Variants in ELFN1 observed in about 807,000 individuals in gnomAD.
ELFN1 encodes the protein extracellular leucine rich repeat and fibronectin type III domain containing 1.
In ELFN1, 6 loss-of-function variants were observed where a neutral mutation model predicts 7.6. The ratio of observed to expected loss-of-function variants is 0.79; its 90% confidence interval spans 0.43 to 1.56. ELFN1 has a LOEUF of 1.56. Among genes scored for constraint, ELFN1 ranks in the 40% most tolerant of loss-of-function variants. The pLI, the probability that ELFN1 is intolerant of heterozygous loss-of-function variation, is 0.01. For synonymous variants in ELFN1, 657 were observed against 588.1 expected, an observed-to-expected ratio of 1.12 and a Z score of -1.70; for missense variants, 1,169 against 1,232.2, an observed-to-expected ratio of 0.95 and a Z score of 0.77.
intron 3 of ELFN1, among the ~76,000 whole-genome samples, chr7:1,727,957 T>C (rs1381551927): frequency 6.6e-6 from 1 of 152,128 alleles, no homozygotes; most frequent in African/African-American, 2.4e-5. Context: ...GCCCAGGGAA[T>C]GGGCCTTCTC....
intron 3 of ELFN1, among the ~76,000 whole-genome samples, chr7:1,724,593 A>C (rs1780128316): frequency 6.6e-6 from 1 of 152,190 alleles, no homozygotes; most frequent in African/African-American, 2.4e-5. Context: ...AGGTGAGGAC[A>C]GAGCTTGTGA....
At chr7:1,699,073 A>G (rs1289439230) in intron 2 of ELFN1, among the ~76,000 whole-genome samples, 1 of 152,308 alleles carries the variant, frequency 6.6e-6, no homozygotes, top group African/African-American at 2.4e-5. Flanking sequence ...GCTTCTGCAC[A>G]TTGCACCTGC....
In ELFN1 at chr7:1,718,095, G is replaced by A. The variant is rs373251211; in HGVS notation, c.-294+8843G>A. ...AGTTTCCATGTCTGGAACCAAAGTG[G>A]CTGCTCCCGCTCCCACCATCACATC... On this transcript the variant is annotated intron_variant, in intron 3 of 3. Transcript: ENST00000424383. Among the ~76,000 whole-genome samples, 5 of 152,204 alleles carry A rather than the reference G, an allele frequency of 3.3e-5. No homozygotes were observed. In the South Asian group the frequency reaches 6.2e-4, roughly 19 times the overall value.
intron 2 of ELFN1, among the ~76,000 whole-genome samples, chr7:1,700,636 G>T (rs574745985): frequency 6.6e-6 from 1 of 152,274 alleles, no homozygotes; most frequent in Admixed American, 6.5e-5. Flanking sequence ...TGCTTCACAC[G>T]TGTGGGACCC....
In ELFN1 at chr7:1,746,759, A is replaced by T; in HGVS notation, c.2163A>T (p.Pro721=). ...HPAEPPAPPG[P]PPPPPHEGLG... is the part of the protein sequence containing the mutation. ...CCGAGCCACCTGCGCCCCCCGGGCCACCGCCGCCGCCTCCGCACGAGGGCC... is the reference window on the plus strand; with the variant it reads ...CCGAGCCACCTGCGCCCCCCGGGCCTCCGCCGCCGCCTCCGCACGAGGGCC... Residue 721 remains proline (P), a synonymous_variant, in exon 4 of 4, where the codon CCA becomes CCT. Transcript: ENST00000424383. The T allele has an allele frequency of 6.7e-7, 1 of 1,502,714 alleles. No homozygotes were observed. The highest frequency in any genetic ancestry group is 2.7e-5 in the East Asian group (1 of 37,576). The allele number at this position is 1,502,714 out of a possible 1,614,324, so 93.1% of individuals were successfully genotyped here.
intron 2 of ELFN1, among the ~76,000 whole-genome samples, chr7:1,701,138 T>C (rs1779420655): frequency 6.6e-6 from 1 of 150,386 alleles, no homozygotes; most frequent in Admixed American, 6.6e-5. Flanking sequence ...TGTGTGCATG[T>C]GTGTGTGTGG....
At position 1,673,752 on chromosome 7, in the gene ELFN1, T is replaced by C. The variant is rs1228378537; in HGVS notation, c.-549+3398T>C. Among the ~76,000 whole-genome samples, 1 of 152,124 alleles carries C rather than the reference T, an allele frequency of 6.6e-6. No individual in the cohort carries two copies. The highest frequency in any genetic ancestry group is 1.5e-5 in the Non-Finnish European group (1 of 68,018). ...AAATGTGCCTCCTTTCCCTCGGAGA[T>C]CAGCCGGTCCAGCCCCTGAAGATGG... On this transcript the variant is annotated intron_variant, in intron 1 of 3. Transcript: ENST00000424383. This position sits in a 1 kb window ranked among gnomAD's most constrained non-coding sequence, Gnocchi z 4.7.
At chr7:1,733,942 C>T (rs1583389959) in intron 3 of ELFN1, among the ~76,000 whole-genome samples, 1 of 152,238 alleles carries the variant, frequency 6.6e-6, no homozygotes, top group African/African-American at 2.4e-5. Flanking sequence ...CTGTGACCCC[C>T]GGTCAGAACA....
chr7:1,728,063 G>T (rs1157743472), intron 3 of ELFN1, among the ~76,000 whole-genome samples: 1 of 152,190 alleles, frequency 6.6e-6, no homozygotes, highest in African/African-American at 2.4e-5. Context: ...CCATTGAGAG[G>T]CAGGGCCGGA....
At chr7:1,719,298 GCCCCGCCCACCAACAGGA>G (rs1779940720) in intron 3 of ELFN1, among the ~76,000 whole-genome samples, 3 of 85,966 alleles carry the variant, frequency 3.5e-5, no homozygotes, top group African/African-American at 8.6e-5. Context: ...CACCAACAGG[GCCCCGCCCACCAACAGGA>G]CCCAAGCCAC....
At chr7:1,690,276 T>A (rs920276168) in intron 2 of ELFN1, among the ~76,000 whole-genome samples, 3 of 150,254 alleles carry the variant, frequency 2.0e-5, no homozygotes, top group African/African-American at 7.4e-5. Flanking sequence ...GGTGAGTGGG[T>A]AGGTGGATAG....
chr7:1,680,705 A>G (rs900849921), intron 1 of ELFN1, among the ~76,000 whole-genome samples: 1 of 147,968 alleles, frequency 6.8e-6, no homozygotes, highest in African/African-American at 2.5e-5. Context: ...ACCCCCAGGC[A>G]CTGATCTGCA....
intron 3 of ELFN1, among the ~76,000 whole-genome samples, chr7:1,741,569 G>A (rs940132212): frequency 2.0e-5 from 3 of 152,196 alleles, no homozygotes; most frequent in African/African-American, 7.2e-5. Context: ...ACTCACAATG[G>A]GGGGAGTGGG....
Position 1,745,618 on chromosome 7 carries a change from G to T in ELFN1, c.1022G>T (p.Arg341Leu). The change falls in exon 4 of 4, where the codon CGG becomes CTG. Residue 341 changes from arginine (R) to leucine (L), a missense_variant. By Grantham distance (102) the Arg-to-Leu change is moderately radical (BLOSUM62 -2). This residue lies in a region of ELFN1 where 914 missense variants were observed against 872.6 expected (regional missense o/e 1.05). Transcript: ENST00000424383. ...ITVQLPSPFH[R>L]MYTLEHFNNS... is the part of the protein sequence containing the mutation. The stretch of plus-strand genomic sequence containing the variant: ...GTCCAGCTGCCCAGCCCGTTCCACC[G>T]GATGTACACCCTGGAGCATTTCAAC... 1 of 1,550,960 alleles carries T rather than the reference G, an allele frequency of 6.4e-7. No homozygotes were observed. The highest frequency in any genetic ancestry group is 8.7e-7 in the Non-Finnish European group (1 of 1,146,946).
chr7:1,731,483 C>A (rs1001579186), intron 3 of ELFN1, among the ~76,000 whole-genome samples: 19 of 151,980 alleles, frequency 1.3e-4, no homozygotes, highest in Admixed American at 1.0e-3. Context: ...AGAAATGGTC[C>A]CACACAGAGG....
chr7:1,666,428 C>G (rs1368994411), upstream of ELFN1, among the ~76,000 whole-genome samples: 1 of 152,004 alleles, frequency 6.6e-6, no homozygotes, highest in Admixed American at 6.5e-5. This position sits in a 1 kb window ranked among gnomAD's most constrained non-coding sequence, Gnocchi z 7.9. Context: ...TCGGGGCCCG[C>G]GGCTCCCGGG....
In ELFN1 at chr7:1,743,544, TG is replaced by T. The variant is rs537589677; in HGVS notation, c.-293-756del. On this transcript the variant is annotated intron_variant, in intron 3 of 3. Coordinates refer to ENST00000424383, the MANE Select transcript of ELFN1 (RefSeq NM_001128636.4). ...TCAGAGACCATCCAGCTGGCTCATT[TG>T]GGGAAACTGAGGCCCAGAGGGGGCA... Among the ~76,000 whole-genome samples, 540 of 152,166 alleles carry T rather than the reference TG, an allele frequency of 3.5e-3. 2 individuals are homozygous for T. The highest frequency in any genetic ancestry group is 0.012 in the African/African-American group (508 of 41,518).
At chr7:1,742,816 T>C (rs1780664753) in intron 3 of ELFN1, among the ~76,000 whole-genome samples, 1 of 152,248 alleles carries the variant, frequency 6.6e-6, no homozygotes, top group African/African-American at 2.4e-5. Flanking sequence ...TTGTTCTTTA[T>C]GAAGTTTCCA....
intron 3 of ELFN1, among the ~76,000 whole-genome samples, chr7:1,724,760 C>T (rs576030604): frequency 2.6e-5 from 4 of 152,198 alleles, no homozygotes; most frequent in Non-Finnish European, 4.4e-5. Flanking sequence ...GATTCTTCTC[C>T]GTGGATTCGC....
Sources: gnomAD v4.1 joint callset for allele counts (sites outside exome capture counted in the v4.1 genomes callset) on GRCh38, gnomAD v4.1.1 for gene constraint, gnomAD v4.1.1 regional missense constraint, Gnocchi (gnomAD v3.1) non-coding constraint, MANE v1.5 for transcripts, NCBI Gene and HGNC (gene_info 2026-07-23, HGNC 2026-07-21) for gene names.